Variants in DNAH7 observed in about 807,000 individuals in gnomAD.
DNAH7 encodes the protein dynein axonemal heavy chain 7.
In DNAH7, 397 loss-of-function variants were observed where a neutral mutation model predicts 444.6. The observed-to-expected ratio is 0.89, with a 90% confidence interval of 0.82 to 0.97. The LOEUF is 0.97. Ranked by LOEUF, DNAH7 falls within the 50% of genes least tolerant of loss-of-function variation. The pLI, the probability that DNAH7 is intolerant of heterozygous loss-of-function variation, is 0.00. For synonymous variants in DNAH7, 1,636 were observed against 1,624.4 expected (o/e 1.01, Z -0.17); for missense variants, 4,902 against 4,800.8 (o/e 1.02, Z -0.62).
At chr2:196,009,536 AG>A (rs1232295926) in intron 10 of DNAH7, among the ~76,000 whole-genome samples, 1 of 152,206 alleles carries the variant, frequency 6.6e-6, no homozygotes, top group East Asian at 1.9e-4. Context: ...AAGCATTGCT[AG>A]AAACATGCTG....
intron 57 of DNAH7, among the ~76,000 whole-genome samples, chr2:195,791,352 A>G (rs1354211267): frequency 6.7e-6 from 1 of 150,288 alleles, no homozygotes; most frequent in Non-Finnish European, 1.5e-5. Flanking sequence ...CTGTAGTCCC[A>G]GCTACTCGGG....
At chr2:195,857,820 T>C in intron 43 of DNAH7, 97 bp from the exon 44 acceptor site, 1 of 1,028,390 alleles carries the variant, frequency 9.7e-7, no homozygotes, top group East Asian at 2.6e-5. Flanking sequence ...AGAAACTCAC[T>C]GTGTTCACTG....
chr2:195,777,942 T>C lies in DNAH7; in HGVS notation c.10922A>G (p.Asn3641Ser), dbSNP rs1695139531. The C allele has an allele frequency of 6.2e-7, 1 of 1,614,134 alleles. No individual in the cohort carries two copies. The highest frequency in any genetic ancestry group is 8.5e-7 in the Non-Finnish European group (1 of 1,179,966). Residue 3641 changes from asparagine (N) to serine (S), a missense_variant, in exon 59 of 65, where the codon AAT (asparagine) becomes AGT (serine). Transcript: ENST00000312428. ...EALRYMTGEC[N>S]YGGRVTDDWD... The stretch of plus-strand genomic sequence containing the variant: ...GTCATCGGTCACTCTGCCTCCGTAA[T>C]TGCATTCGCCAGTCATGTACCGCAG...
chr2:195,889,020 T>A (rs764254892), intron 31 of DNAH7, 39 bp from the exon 32 acceptor site: 1 of 1,534,596 alleles, frequency 6.5e-7, no homozygotes, highest in South Asian at 1.2e-5. Context: ...AAAAACGTAA[T>A]GATGATAATA....
intron 37 of DNAH7, 52 bp from the exon 38 acceptor site, chr2:195,875,895 G>GTCC: frequency 6.7e-7 from 1 of 1,501,478 alleles, no homozygotes. Flanking sequence ...TCAACATACA[G>GTCC]TCCTATTGTG....
chr2:195,922,125 T>C lies in DNAH7; in HGVS notation c.3898A>G (p.Arg1300Gly). ...TCCGTGAGTGGTGTAATAACCAGCC[T>C]AGGGGAATTACCCAGATATTCATAT... The part of the protein sequence containing the change: ...YGYEYLGNSP[R>G]LVITPLTDRC... Residue 1300 changes from arginine to glycine, a missense_variant, in exon 24 of 65, where the codon AGG becomes GGG. Arg to Gly is a moderately radical substitution (Grantham distance 125). Coordinates refer to ENST00000312428, the MANE Select transcript of DNAH7 (RefSeq NM_018897.3). 6.2e-7 allele frequency: 1 copy of C among 1,612,784 alleles called. No homozygotes were observed. Among genetic ancestry groups the C allele is most frequent in the Non-Finnish European group, 8.5e-7 (1 of 1,178,798 alleles).
At chr2:196,050,701 G>A (rs1697410639) in intron 3 of DNAH7, among the ~76,000 whole-genome samples, 1 of 152,054 alleles carries the variant, frequency 6.6e-6, no homozygotes, top group South Asian at 2.1e-4. Flanking sequence ...TCTTCCACAA[G>A]ACAATGACAC....
At position 195,881,681 on chromosome 2, in the gene DNAH7, C is replaced by T. The variant is rs548232597; in HGVS notation, c.5961+114G>A. ...GTGGCAATTTTTCAAAAATTCTCTG[C>T]AGTTCAAACATCAAAGTACTTGAGT... On this transcript the variant is annotated intron_variant, in intron 36 of 64. Transcript: ENST00000312428. 54 of 1,095,600 alleles carry T rather than the reference C, an allele frequency of 4.9e-5. No individual in the cohort carries two copies. The African/African-American group carries it at 6.7e-4, about 14-fold the overall frequency. 67.9% of individuals were successfully genotyped at this position (1,095,600 alleles called of 1,614,324 possible). A position where few individuals can be genotyped will look rare whatever the true frequency, so the allele number is the denominator to read the frequency against.
In DNAH7 at chr2:195,771,706, A is replaced by C. The variant is rs747849544; in HGVS notation, c.11387T>G (p.Leu3796Arg). The C allele has an allele frequency of 4.3e-6, 7 of 1,614,008 alleles. No individual in the cohort carries two copies. Among genetic ancestry groups the C allele is most frequent in the Admixed American group, 1.7e-5 (1 of 59,996 alleles). The change falls in exon 61 of 65, where the codon CTG becomes CGG. Residue 3796 changes from leucine (L) to arginine (R), a missense_variant. By Grantham distance (102) the Leu-to-Arg change is moderately radical (BLOSUM62 -2). Transcript: ENST00000312428. Reference protein sequence around the residue: ...VQEMGRFNKLLKTIRDSCVNI... With the variant: ...VQEMGRFNKLRKTIRDSCVNI... ...TACGCACGAATCTCTTATGGTCTTC[A>C]GTAACTTATTGAACCGTCCCATCTC...
At chr2:196,018,900 G>A (rs888140163) in intron 9 of DNAH7, among the ~76,000 whole-genome samples, 3 of 152,156 alleles carry the variant, frequency 2.0e-5, no homozygotes, top group African/African-American at 7.2e-5. Flanking sequence ...ATTAATCATT[G>A]CATGCCTCTA....
At chr2:195,999,496 TAATAATAAAGG>T (rs1013610145) in intron 12 of DNAH7, among the ~76,000 whole-genome samples, 2 of 152,046 alleles carry the variant, frequency 1.3e-5, no homozygotes, top group Non-Finnish European at 2.9e-5. Context: ...AGCCTAAGTA[TAATAATAAAGG>T]AAAAATACCC....
Position 195,897,767 on chromosome 2 carries a change from T to TTA in DNAH7, c.4549-3_4549-2insTA. ...TTCATTTTCATTTGGATATTTCAGC[T>TTA]AAAAAAAAAAAAAAAAACTCATGAG... On this transcript the variant is annotated splice_region_variant and splice_polypyrimidine_tract_variant and intron_variant, in intron 28 of 64. Coordinates refer to ENST00000312428, the MANE Select transcript of DNAH7 (RefSeq NM_018897.3). 1 of 1,145,486 alleles carries TTA rather than the reference T, an allele frequency of 8.7e-7. No homozygotes were observed. The highest frequency in any genetic ancestry group is 2.7e-5 in the East Asian group (1 of 37,274). 71.0% of individuals were successfully genotyped at this position (1,145,486 alleles called of 1,614,324 possible).
At chr2:195,862,243 C>G (rs1377605218) in intron 41 of DNAH7, among the ~76,000 whole-genome samples, 1 of 152,078 alleles carries the variant, frequency 6.6e-6, no homozygotes, top group Non-Finnish European at 1.5e-5. Flanking sequence ...TATGGAATGT[C>G]TATTTCTGTA....
chr2:195,944,914 A>T (rs1288955771), intron 19 of DNAH7, among the ~76,000 whole-genome samples: 1 of 151,880 alleles, frequency 6.6e-6, no homozygotes, highest in Non-Finnish European at 1.5e-5. Flanking sequence ...TATCATATTG[A>T]CCTATTCAAG....
At position 195,794,553 on chromosome 2, in the gene DNAH7, A is replaced by C; in HGVS notation, c.10516-15T>G. ...GGGCTTAACTCCTGTAAGAAAATAA[A>C]TCAGATACAAAAGAGTAAATAAAAC... On this transcript the variant is annotated splice_polypyrimidine_tract_variant and intron_variant, in intron 56 of 64. Transcript: ENST00000312428. 2 of 1,612,218 alleles carry C rather than the reference A, an allele frequency of 1.2e-6. No individual in the cohort carries two copies. Among genetic ancestry groups the C allele is most frequent in the Non-Finnish European group, 1.7e-6 (2 of 1,178,224 alleles).
intron 15 of DNAH7, among the ~76,000 whole-genome samples, chr2:195,980,581 C>T (rs1420630458): frequency 2.0e-5 from 3 of 152,172 alleles, no homozygotes; most frequent in Non-Finnish European, 4.4e-5. Flanking sequence ...GATAATATCT[C>T]TGATGAATAT....
chr2:196,047,303 CA>C (rs1697193890), intron 5 of DNAH7, 48 bp downstream of exon 5: 15 of 1,450,860 alleles, frequency 1.0e-5, no homozygotes, highest in Non-Finnish European at 1.4e-5. Context: ...TAAACGTTGC[CA>C]GGGGCTCTAA....
intron 62 of DNAH7, among the ~76,000 whole-genome samples, chr2:195,754,900 T>C (rs1022653750): frequency 5.9e-5 from 9 of 152,208 alleles, no homozygotes; most frequent in Non-Finnish European, 1.0e-4. Flanking sequence ...AAATAACCCC[T>C]GAGGAGTAAC....
intron 61 of DNAH7, among the ~76,000 whole-genome samples, chr2:195,761,329 C>A (rs1694339867): frequency 6.6e-6 from 1 of 152,084 alleles, no homozygotes; most frequent in East Asian, 1.9e-4. Flanking sequence ...AGCACACCTA[C>A]AAGATCTAGA....
Sources: gnomAD v4.1 joint callset for allele counts (sites outside exome capture counted in the v4.1 genomes callset) on GRCh38, gnomAD v4.1.1 for gene constraint, MANE v1.5 for transcripts, NCBI Gene and HGNC (gene_info 2026-07-23, HGNC 2026-07-21) for gene names.